The following LOXHD1 variants were observed in gnomAD, a reference collection of about 807,000 sequenced individuals.
LOXHD1 encodes the protein lipoxygenase homology domain-containing protein 1.
Under a neutral mutation model 248.2 loss-of-function variants are expected in LOXHD1, and 205 were observed. The ratio of observed to expected loss-of-function variants is 0.83; its 90% CI spans 0.74 to 0.93. LOXHD1 has a LOEUF of 0.93. LOXHD1 is among the 40% of genes least tolerant of loss of function. The pLI, the probability that LOXHD1 is intolerant of heterozygous loss-of-function variation, is 0.00. For missense variants in LOXHD1, 2,930 were observed against 2,971.6 expected (o/e 0.99, Z 0.33); for synonymous variants, 1,113 against 1,162.8 (o/e 0.96, Z 0.87).
intron 20 of LOXHD1, chr18:46,559,022 T>C (rs1599000679): frequency 8.8e-6 from 6 of 679,200 alleles, no homozygotes; most frequent in Middle Eastern, 2.9e-4. Flanking sequence ...TGTGGTTCCA[T>C]CTTCTGAGAA....
chr18:46,507,220 G>C (rs1380619940), intron 36 of LOXHD1, among the ~76,000 whole-genome samples: 1 of 152,188 alleles, frequency 6.6e-6, no homozygotes, highest in East Asian at 1.9e-4. Flanking sequence ...CATGACACTT[G>C]GGCGAGGGGT....
chr18:46,555,364 C>T, intron 21 of LOXHD1: 1 of 351,830 alleles, frequency 2.8e-6, no homozygotes, highest in South Asian at 2.2e-5. Flanking sequence ...AGGTCAGGAC[C>T]CTGGTTCCCA....
At chr18:46,513,654 C>A (rs1231123998) in intron 34 of LOXHD1, among the ~76,000 whole-genome samples, 1 of 152,212 alleles carries the variant, frequency 6.6e-6, no homozygotes, top group Non-Finnish European at 1.5e-5. Context: ...TCTCCCAGAG[C>A]CTGCAGGGCA....
chr18:46,510,288 A>G (rs1166539944), intron 34 of LOXHD1, among the ~76,000 whole-genome samples: 2 of 152,256 alleles, frequency 1.3e-5, no homozygotes, highest in Admixed American at 6.5e-5. Context: ...CAGGCTGTGC[A>G]CTGCACAACT....
At chr18:46,512,105 C>T (rs1014258944) in intron 34 of LOXHD1, among the ~76,000 whole-genome samples, 4 of 152,106 alleles carry the variant, frequency 2.6e-5, no homozygotes, top group Non-Finnish European at 5.9e-5. Context: ...GACTACCAGC[C>T]TAGGAGGATG....
chr18:46,650,084 C>T (rs2039089112), intron 1 of LOXHD1, among the ~76,000 whole-genome samples: 1 of 152,108 alleles, frequency 6.6e-6, no homozygotes. Context: ...GTTGCTGCCA[C>T]CAGCCACCCT....
At chr18:46,601,660 G>T (rs2038342340) in intron 7 of LOXHD1, 193 bp from the exon 8 acceptor site, 4 of 712,826 alleles carry the variant, frequency 5.6e-6, no homozygotes, top group Non-Finnish European at 7.1e-6. Context: ...TCCAGAGTTT[G>T]TGTGTCCAAT....
At position 46,529,320 on chromosome 18, in the gene LOXHD1, A is replaced by T; in HGVS notation, c.4387T>A (p.Ser1463Thr). ...ATGTTCCCTGTGAAGATCTGCACCGAGTACAGCACAACTGGGCAGGTGGTG... is the reference window on the plus strand; with the variant it reads ...ATGTTCCCTGTGAAGATCTGCACCGTGTACAGCACAACTGGGCAGGTGGTG... ...VEEPLDIVLY[S>T]VQIFTGNIPG... The change falls in exon 29 of 41, where the codon TCG becomes ACG. Residue 1463 changes from serine (S) to threonine (T), a missense_variant. Ser to Thr is a moderately conservative substitution (Grantham distance 58, BLOSUM62 1). Transcript: ENST00000642948. The T allele has an allele frequency of 6.5e-7, 1 of 1,545,038 alleles. No individual in the cohort carries two copies. The highest frequency in any genetic ancestry group is 1.2e-5 in the South Asian group (1 of 83,322).
rs111809269 is a variant in LOXHD1 at position 46,592,354 on chromosome 18, T to A, written c.1518+144A>T. ...CATTAGGAAGTCCCTGTGGCCTGTA[T>A]CCAAATTCAGGTCTCACCATAACCC... On this transcript the variant is annotated intron_variant, in intron 11 of 40. Transcript: ENST00000642948. 3.2e-3 allele frequency: 2,414 copies of A among 763,812 alleles called. 43 individuals are homozygous for A. The African/African-American group carries it at 0.038, about 12-fold the overall frequency. 47.3% of individuals were successfully genotyped at this position (763,812 alleles called of 1,614,324 possible). A position where few individuals can be genotyped will look rare whatever the true frequency, so the allele number is the denominator to read the frequency against.
chr18:46,503,844 C>A (rs9957285), intron 37 of LOXHD1, among the ~76,000 whole-genome samples: 40,651 of 151,956 alleles, frequency 0.27, 6,896 homozygotes, highest in East Asian at 0.61. Flanking sequence ...CTCATCACCT[C>A]ATCTTCTTGA....
intron 40 of LOXHD1, among the ~76,000 whole-genome samples, chr18:46,483,378 C>T (rs1017271458): frequency 6.6e-6 from 1 of 152,238 alleles, no homozygotes; most frequent in African/African-American, 2.4e-5. Context: ...GGCCTACTCC[C>T]CTGCCTCTGA....
At chr18:46,495,916 C>T (rs894965155) in intron 37 of LOXHD1, among the ~76,000 whole-genome samples, 11 of 152,136 alleles carry the variant, frequency 7.2e-5, no homozygotes, top group Admixed American at 3.9e-4. Context: ...CCTGTAATCC[C>T]AGCTACTCAG....
chr18:46,639,116 C>T lies in LOXHD1; in HGVS notation c.511+500G>A, dbSNP rs116081637. 2.1e-3 allele frequency among the ~76,000 whole-genome samples: 319 copies of T among 152,308 alleles called. 2 individuals are homozygous for T. The highest frequency in any genetic ancestry group is 6.8e-3 in the Middle Eastern group (2 of 294). ...TTAAGGCCTTTGCCCAGAGATGTCA[C>T]TTGAAATAAGTTGTTTTACTCCTCA... On this transcript the variant is annotated intron_variant, in intron 4 of 40. Transcript: ENST00000642948.
chr18:46,546,833 G>C (rs1262086764), intron 22 of LOXHD1, 62 bp downstream of exon 22: 18 of 1,503,344 alleles, frequency 1.2e-5, no homozygotes, highest in African/African-American at 4.1e-5. Flanking sequence ...TGGAGACTTA[G>C]GGTTAGGGAG....
intron 21 of LOXHD1, among the ~76,000 whole-genome samples, chr18:46,549,399 A>G (rs1427970422): frequency 2.0e-5 from 3 of 152,386 alleles, no homozygotes; most frequent in African/African-American, 7.2e-5. Flanking sequence ...AATTTCATAC[A>G]GAATTTTCCA....
intron 15 of LOXHD1, 48 bp from the exon 16 acceptor site, chr18:46,569,686 G>A (rs759058667): frequency 6.8e-7 from 1 of 1,474,568 alleles, no homozygotes; most frequent in Non-Finnish European, 9.2e-7. Flanking sequence ...TAGTGCAGGG[G>A]GTGACAGGAA....
chr18:46,645,639 G>T (rs957896914), intron 2 of LOXHD1, among the ~76,000 whole-genome samples: 2 of 152,122 alleles, frequency 1.3e-5, no homozygotes, highest in African/African-American at 4.8e-5. Flanking sequence ...GGGTGGGGTC[G>T]GGGTAGAGGT....
intron 36 of LOXHD1, 41 bp from the exon 37 acceptor site, chr18:46,506,064 T>C: frequency 6.5e-7 from 1 of 1,545,726 alleles, no homozygotes; most frequent in Non-Finnish European, 8.8e-7. Context: ...GCCAGCCTCT[T>C]TGACACACAG....
At position 46,485,093 on chromosome 18, in the gene LOXHD1, G is replaced by A. The variant is rs1036245958; in HGVS notation, c.6108C>T (p.Leu2036=). Residue 2036 remains leucine, a synonymous_variant, in exon 39 of 41, where the codon CTC becomes CTT. Transcript: ENST00000642948. ...NGGETRENVW[L]ILEGRKNRSK... ...ATCGGTTCTTCCTGCCCTCCAGGAT[G>A]AGCCAGACGTTCTCCCTGGTTTCGC... 11 of 1,550,282 alleles carry A rather than the reference G, an allele frequency of 7.1e-6. No homozygotes were observed. Among genetic ancestry groups the A allele is most frequent in the Non-Finnish European group, 8.7e-6 (10 of 1,146,710 alleles).
Sources: allele counts gnomAD v4.1 joint callset (sites outside exome capture counted in the v4.1 genomes callset), GRCh38; gene constraint gnomAD v4.1.1; transcripts MANE v1.5; gene names NCBI Gene and HGNC (gene_info 2026-07-23, HGNC 2026-07-21).